The following PTPRT variants were observed in gnomAD, a reference collection of about 807,000 sequenced individuals.
The protein encoded by PTPRT is receptor-type tyrosine-protein phosphatase T.
In PTPRT, 56 loss-of-function variants were observed where a neutral mutation model predicts 176.8. The observed-to-expected ratio is 0.32, with a 90% CI of 0.26 to 0.40. The LOEUF is 0.40. Ranked by LOEUF, PTPRT falls within the 10% of genes least tolerant of loss-of-function variation. The pLI is 1.00. For synonymous variants in PTPRT, 783 were observed against 739.0 expected (o/e 1.06, Z -0.96); for missense variants, 1,540 against 1,908.2 (o/e 0.81, Z 3.60).
chr20:42,306,890 G>A (rs1407625206), intron 12 of PTPRT, among the ~76,000 whole-genome samples: 9 of 152,150 alleles, frequency 5.9e-5, no homozygotes, highest in East Asian at 1.9e-4. Context: ...CTAGGTGTTC[G>A]TCCATCTACT....
chr20:42,614,611 A>T (rs912575319), intron 7 of PTPRT, among the ~76,000 whole-genome samples: 1 of 152,124 alleles, frequency 6.6e-6, no homozygotes, highest in African/African-American at 2.4e-5. Flanking sequence ...CAACTTCAGG[A>T]AATGATCTTA....
Position 42,478,317 on chromosome 20 carries a change from C to T in PTPRT, c.1154-5755G>A, listed in dbSNP as rs1323036724. On this transcript the variant is annotated intron_variant, in intron 7 of 30. Coordinates refer to ENST00000373187, the MANE Select transcript of PTPRT (RefSeq NM_007050.6). Reference sequence around the variant, plus strand: ...TGTGTTCATGCATGTGTGACTGACCCACTCAGGTTTTCAGAACCTTCTCCA... The same window carrying T: ...TGTGTTCATGCATGTGTGACTGACCTACTCAGGTTTTCAGAACCTTCTCCA... Among the ~76,000 whole-genome samples the T allele has an allele frequency of 2.0e-5, 3 of 152,204 alleles. No homozygotes were observed. The East Asian group carries it at 5.8e-4, about 29-fold the overall frequency.
At chr20:43,175,251 C>T (rs1008118963) in intron 1 of PTPRT, among the ~76,000 whole-genome samples, 3 of 152,238 alleles carry the variant, frequency 2.0e-5, no homozygotes, top group Admixed American at 1.3e-4. Context: ...GCCCCATGCA[C>T]TCCTGTTCAA....
chr20:42,746,626 G>A (rs1335611128), intron 6 of PTPRT, among the ~76,000 whole-genome samples: 1 of 125,028 alleles, frequency 8.0e-6, no homozygotes, highest in Non-Finnish European at 1.6e-5. Flanking sequence ...AGCAGTCATG[G>A]GAAAAAAAAT....
intron 7 of PTPRT, among the ~76,000 whole-genome samples, chr20:42,665,807 GCTGAAAAT>G (rs1333782531): frequency 6.6e-6 from 1 of 152,044 alleles, no homozygotes; most frequent in Non-Finnish European, 1.5e-5. Context: ...CATGGATGAA[GCTGAAAAT>G]CATCATTCTC....
chr20:42,094,144 G>A (rs1984941330), intron 27 of PTPRT, among the ~76,000 whole-genome samples: 1 of 152,178 alleles, frequency 6.6e-6, no homozygotes, highest in African/African-American at 2.4e-5. Flanking sequence ...TTCTTTGAAA[G>A]TCATCCTCTG....
chr20:42,453,085 GT>G (rs1568893028), intron 8 of PTPRT, among the ~76,000 whole-genome samples: 1 of 152,158 alleles, frequency 6.6e-6, no homozygotes, highest in Non-Finnish European at 1.5e-5. Flanking sequence ...AAAATGACAT[GT>G]TTTGATACTT....
intron 2 of PTPRT, among the ~76,000 whole-genome samples, chr20:42,848,979 T>C (rs1044993197): frequency 1.3e-5 from 2 of 152,204 alleles, no homozygotes; most frequent in Non-Finnish European, 2.9e-5. Context: ...CCATTGTGAG[T>C]TGATTTTTGT....
intron 16 of PTPRT, 65 bp downstream of exon 16, chr20:42,199,175 C>G: frequency 2.6e-6 from 4 of 1,562,682 alleles, no homozygotes; most frequent in Middle Eastern, 1.7e-4. Context: ...GTGGGGTTCA[C>G]AGCAGAAGTA....
intron 1 of PTPRT, among the ~76,000 whole-genome samples, chr20:43,107,033 G>A (rs368640779): frequency 6.6e-5 from 10 of 152,098 alleles, no homozygotes; most frequent in South Asian, 2.1e-4. Flanking sequence ...CAGGTGATCC[G>A]CCCGCCTCGG....
rs1379415981 is a variant in PTPRT at position 42,678,087 on chromosome 20, G to T, written c.932C>A (p.Ala311Asp). The T allele has an allele frequency of 1.9e-6, 3 of 1,614,056 alleles. No homozygotes were observed. Among genetic ancestry groups the T allele is most frequent in the Non-Finnish European group, 2.5e-6 (3 of 1,180,036 alleles). ...GGGGCCATCCCCGATGATGGAGTTG[G>T]CATTTGGCTTGATCCACAGGTATGT... is the stretch of plus-strand genomic sequence containing the variant. ...GATYLWIKPN[A>D]NSIIGDGPII... Residue 311 changes from alanine (A) to aspartate (D), a missense_variant, in exon 7 of 31, where the codon GCC becomes GAC. By Grantham distance (126) the Ala-to-Asp change is moderately radical (BLOSUM62 -2). Coordinates refer to ENST00000373187, the MANE Select transcript of PTPRT (RefSeq NM_007050.6).
intron 1 of PTPRT, among the ~76,000 whole-genome samples, chr20:43,150,753 G>C (rs892826223): frequency 4.0e-5 from 6 of 151,800 alleles, no homozygotes; most frequent in Non-Finnish European, 8.8e-5. Flanking sequence ...CACTGTGTCC[G>C]GCCTTCCACA....
chr20:43,038,880 T>C (rs936458574), intron 1 of PTPRT, among the ~76,000 whole-genome samples: 78 of 152,032 alleles, frequency 5.1e-4, no homozygotes, highest in African/African-American at 1.8e-3. Context: ...ACAAGAAATA[T>C]GCAAGACCTA....
At chr20:42,663,832 C>T (rs944508115) in intron 7 of PTPRT, among the ~76,000 whole-genome samples, 1 of 152,140 alleles carries the variant, frequency 6.6e-6, no homozygotes, top group Non-Finnish European at 1.5e-5. Context: ...TAGAATTCCA[C>T]TGTGTGTGTG....
intron 1 of PTPRT, among the ~76,000 whole-genome samples, chr20:43,059,548 AC>A (rs1337785238): frequency 6.6e-6 from 1 of 152,132 alleles, no homozygotes; most frequent in East Asian, 1.9e-4. Context: ...TCCAACTGAG[AC>A]CTCAGCAGAA....
At chr20:42,104,862 C>A in intron 24 of PTPRT, 144 bp from the exon 25 acceptor site, 1 of 870,830 alleles carries the variant, frequency 1.1e-6, no homozygotes, top group Non-Finnish European at 1.7e-6. Flanking sequence ...TACTGTAACC[C>A]AAAGGGCCAA....
intron 1 of PTPRT, among the ~76,000 whole-genome samples, chr20:43,082,756 C>T (rs1225965848): frequency 6.6e-6 from 1 of 151,974 alleles, no homozygotes; most frequent in African/African-American, 2.4e-5. Context: ...GAAATTGACC[C>T]CCCCAAGTCT....
chr20:42,337,477 T>C (rs1216254227), intron 11 of PTPRT, among the ~76,000 whole-genome samples: 1 of 152,128 alleles, frequency 6.6e-6, no homozygotes, highest in Non-Finnish European at 1.5e-5. Flanking sequence ...GTACAGTCAA[T>C]GAAAGGATGC....
chr20:42,056,411 G>T, the PTPRT span, among the ~76,000 whole-genome samples: 1 of 152,304 alleles, frequency 6.6e-6, no homozygotes, highest in Admixed American at 6.5e-5. Context: ...ATGAAAAATA[G>T]ATAGGTGAGA....
Sources: gnomAD v4.1 joint callset for allele counts (sites outside exome capture counted in the v4.1 genomes callset) on GRCh38, gnomAD v4.1.1 for gene constraint, MANE v1.5 for transcripts, NCBI Gene and HGNC (gene_info 2026-07-23, HGNC 2026-07-21) for gene names.